TTN: variants seen among roughly 807,000 people sequenced by gnomAD.
TTN encodes titin, also known as connectin.
A neutral mutation model predicts 3,223.0 loss-of-function variants in TTN; 1,525 were observed. The observed-to-expected ratio is 0.47, with a 90% CI of 0.45 to 0.49. TTN has a LOEUF of 0.49. TTN is among the 20% of genes least tolerant of loss of function. The pLI is 0.00. For missense variants in TTN, 40,786 were observed against 43,424.0 expected, an observed-to-expected ratio of 0.94 and a Z score of 5.40; for synonymous variants, 14,094 against 15,161.0, an observed-to-expected ratio of 0.93 and a Z score of 5.17.
At chr2:178,770,036 TG>T (rs1387679781) in intron 36 of TTN, 23 bp downstream of exon 36, 1 of 1,613,998 alleles carries the variant, frequency 6.2e-7, no homozygotes, top group Non-Finnish European at 8.5e-7. Context: ...AGGAAAGGGC[TG>T]TAGGGGGCTG....
Position 178,789,490 on chromosome 2 carries a change from T to G in TTN, c.1946A>C (p.Lys649Thr). ...QVQITQEKMR[K>T]EAEKTALSTI... Reference sequence around the variant, plus strand: ...AGACAAGGCAGTTTTCTCGGCTTCCTTTCTCATCTGATTATTACAGTAAAA... The same window carrying G: ...AGACAAGGCAGTTTTCTCGGCTTCCGTTCTCATCTGATTATTACAGTAAAA... Residue 649 changes from lysine (K) to threonine (T), a missense_variant, in exon 13 of 363, where the codon AAG (lysine) becomes ACG (threonine). Coordinates refer to ENST00000589042, the MANE Select transcript of TTN (RefSeq NM_001267550.2). 2 of 1,613,304 alleles carry G rather than the reference T, an allele frequency of 1.2e-6. No homozygotes were observed. Among genetic ancestry groups the G allele is most frequent in the Non-Finnish European group, 1.7e-6 (2 of 1,179,462 alleles).
rs1033449906 is a variant in TTN at position 178,741,981 on chromosome 2, A to G, written c.11312-60T>C. On this transcript the variant is annotated intron_variant, in intron 47 of 362. Coordinates refer to ENST00000589042, the MANE Select transcript of TTN (RefSeq NM_001267550.2). ...AAATTTTATTTAATATAAAAATAGAAATCAAAGAATTAGACACCAGTTGAT... is the reference window on the plus strand; with the variant it reads ...AAATTTTATTTAATATAAAAATAGAGATCAAAGAATTAGACACCAGTTGAT... 20 of 1,232,420 alleles carry G rather than the reference A, an allele frequency of 1.6e-5. No individual in the cohort carries two copies. In the South Asian group the frequency reaches 5.4e-4, roughly 33 times the overall value. 76.3% of individuals were successfully genotyped at this position (1,232,420 alleles called of 1,614,324 possible).
Position 178,553,755 on chromosome 2 carries a change from G to A in TTN, c.89250C>T (p.Ser29750=), listed in dbSNP as rs1559221602. The A allele has an allele frequency of 1.2e-6, 2 of 1,610,234 alleles. No individual in the cohort carries two copies. Among genetic ancestry groups the A allele is most frequent in the South Asian group, 2.2e-5 (2 of 90,574 alleles). ...KIRIADSTKS[S]ITLGWSKPVY... Reference sequence around the variant, plus strand: ...CAGGCTTACTCCAGCCAAGGGTGATGGATGACTTGGTTGAATCTGCGATTC... The same window carrying A: ...CAGGCTTACTCCAGCCAAGGGTGATAGATGACTTGGTTGAATCTGCGATTC... The change falls in exon 334 of 363, where the codon TCC becomes TCT. Residue 29750 remains serine, a synonymous_variant. Coordinates refer to ENST00000589042, the MANE Select transcript of TTN (RefSeq NM_001267550.2).
chr2:178,577,741 A>G lies in TTN; in HGVS notation c.68685T>C (p.Asn22895=). ...TTACAGTAAAGGCACATTCTGGGAC[A>G]TTAACATGGTTGGCTTTCATCCAAG... ...SKSWMKANHV[N]VPECAFTVTD... The change falls in exon 323 of 363, where the codon AAT becomes AAC. Residue 22895 remains asparagine, a synonymous_variant. Coordinates refer to ENST00000589042, the MANE Select transcript of TTN (RefSeq NM_001267550.2). 6.2e-7 allele frequency: 1 copy of G among 1,613,444 alleles called. No homozygotes were observed. Among genetic ancestry groups the G allele is most frequent in the Non-Finnish European group, 8.5e-7 (1 of 1,179,584 alleles).
intron 49 of TTN, 151 bp downstream of exon 49, chr2:178,737,931 T>C: frequency 1.2e-6 from 1 of 834,702 alleles, no homozygotes; most frequent in South Asian, 2.1e-5. Context: ...TTATCCCATA[T>C]AGGCTCTGCA....
At chr2:178,697,191 A>C (rs1248324312) in intron 112 of TTN, 23 bp from the exon 113 acceptor site, 2 of 1,498,118 alleles carry the variant, frequency 1.3e-6, no homozygotes, top group Non-Finnish European at 8.9e-7. Flanking sequence ...AAACATAAAA[A>C]TGTGTGTTTA....
At chr2:178,677,342 A>ATC in intron 146 of TTN, 55 bp from the exon 147 acceptor site, 1 of 453,506 alleles carries the variant, frequency 2.2e-6, no homozygotes, top group Non-Finnish European at 3.0e-6. Context: ...GGTCATATAT[A>ATC]TATATATATA....
Position 178,551,171 on chromosome 2 carries a change from T to G in TTN, c.91360A>C (p.Ile30454Leu). The G allele has an allele frequency of 6.2e-7, 1 of 1,613,554 alleles. No homozygotes were observed. Among genetic ancestry groups the G allele is most frequent in the Non-Finnish European group, 8.5e-7 (1 of 1,179,668 alleles). ...NPPLRDGGSK[I>L]VGYSIEKRQG... ...CGTTTCTCAATGCTATAGCCCACAA[T>G]CTTACTGCCTCCATCACGCAATGGT... The change falls in exon 336 of 363, where the codon ATT becomes CTT. Residue 30454 changes from isoleucine (I) to leucine (L), a missense_variant. Physicochemically the swap from Ile to Leu is conservative, Grantham distance 5. Transcript: ENST00000589042.
intron 294 of TTN, 66 bp downstream of exon 294, chr2:178,597,472 A>T (rs1267331966): frequency 6.6e-7 from 1 of 1,507,054 alleles, no homozygotes; most frequent in Non-Finnish European, 9.0e-7. Flanking sequence ...CATACAGCAT[A>T]GCTTTGTGTA....
In TTN at chr2:178,537,444, C is replaced by T. The variant is rs1692136701; in HGVS notation, c.99763G>A (p.Val33255Ile). ...GTCTTACGTTGGACATTCTTCATGA[C>T]AAGATGAGTATAGTGCTCAGTGTTT... ...IENTEHYTHLVMKNVQRKTHA... is the reference protein window; with the variant it reads ...IENTEHYTHLIMKNVQRKTHA... Residue 33255 changes from valine (V) to isoleucine (I), a missense_variant, in exon 355 of 363, where the codon GTC becomes ATC. By Grantham distance (29) the Val-to-Ile change is conservative (BLOSUM62 3). Transcript: ENST00000589042. 3.1e-6 allele frequency: 5 copies of T among 1,613,046 alleles called. No individual in the cohort carries two copies. The highest frequency in any genetic ancestry group is 2.2e-5 in the East Asian group (1 of 44,808).
chr2:178,592,778 G>T lies in TTN; in HGVS notation c.59341C>A (p.Leu19781Ile). 6.2e-7 allele frequency: 1 copy of T among 1,613,332 alleles called. No homozygotes were observed. The highest frequency in any genetic ancestry group is 8.5e-7 in the Non-Finnish European group (1 of 1,179,570). ...CAAGTGAGAGCATTTTACTCACCAA[G>T]CCTGTCTTTTACTAGGACTGGCTCC... ...VPEPVLVKDR[L>I]EPPELILDAN... The change falls in exon 300 of 363, where the codon CTT becomes ATT. Residue 19781 changes from leucine (L) to isoleucine (I), a missense_variant. Coordinates refer to ENST00000589042, the MANE Select transcript of TTN (RefSeq NM_001267550.2).
chr2:178,634,360 G>A lies in TTN; in HGVS notation c.42415+6C>T, dbSNP rs775354753. ...GGGATGTCACAGATCTCATTAGCTCGCTTACCTGTGACAAACAACCGAGCT... is the reference window on the plus strand; with the variant it reads ...GGGATGTCACAGATCTCATTAGCTCACTTACCTGTGACAAACAACCGAGCT... On this transcript the variant is annotated splice_donor_region_variant and intron_variant, in intron 230 of 362. Coordinates refer to ENST00000589042, the MANE Select transcript of TTN (RefSeq NM_001267550.2). The surrounding 1 kb of genome is among the most constrained non-coding windows in gnomAD (Gnocchi z 4.6). 41 of 1,600,248 alleles carry A rather than the reference G, an allele frequency of 2.6e-5. No individual in the cohort carries two copies. The highest frequency in any genetic ancestry group is 4.1e-5 in the African/African-American group (3 of 73,646).
intron 168 of TTN, 63 bp from the exon 169 acceptor site, chr2:178,664,161 C>G: frequency 1.4e-6 from 2 of 1,475,690 alleles, no homozygotes; most frequent in Non-Finnish European, 1.8e-6. Flanking sequence ...GATACAAAGA[C>G]ATTTTCAAGA....
chr2:178,584,008 G>A (rs989463923), intron 311 of TTN, 102 bp from the exon 312 acceptor site: 12 of 1,276,766 alleles, frequency 9.4e-6, no homozygotes, highest in Admixed American at 3.0e-5. Context: ...AAGCTCAACA[G>A]GAAGACAATT....
rs749980197 is a variant in TTN, at chr2:178,531,142, G to T, written c.105473C>A (p.Pro35158Gln). 6.2e-7 allele frequency: 1 copy of T among 1,613,978 alleles called. No individual in the cohort carries two copies. Among genetic ancestry groups the T allele is most frequent in the Non-Finnish European group, 8.5e-7 (1 of 1,179,878 alleles). The change falls in exon 358 of 363, where the codon CCA becomes CAA. Residue 35158 changes from proline to glutamine, a missense_variant. Transcript: ENST00000589042. ...TCCTTTACGCAGCCAGGTCACAGTTGGTACCGGCTCACCATCGGTGTCACA... is the reference window on the plus strand; with the variant it reads ...TCCTTTACGCAGCCAGGTCACAGTTTGTACCGGCTCACCATCGGTGTCACA... ...FSCDTDGEPV[P>Q]TVTWLRKGQV...
Position 178,571,557 on chromosome 2 carries a change from C to G in TTN, c.74575G>C (p.Val24859Leu), listed in dbSNP as rs773227508. Reference protein sequence around the residue: ...RDTSTTTWQIVSATVARTTIK... With the variant: ...RDTSTTTWQILSATVARTTIK... ...GTTGTCCTTGCAACTGTAGCTGATACAATTTGCCAGGTGGTTGTGGAAGTG... is the reference window on the plus strand; with the variant it reads ...GTTGTCCTTGCAACTGTAGCTGATAGAATTTGCCAGGTGGTTGTGGAAGTG... The change falls in exon 326 of 363, where the codon GTA (valine) becomes CTA (leucine). Residue 24859 changes from valine (V) to leucine (L), a missense_variant. By Grantham distance (32) the Val-to-Leu change is conservative (BLOSUM62 1). Transcript: ENST00000589042. 2.5e-6 allele frequency: 4 copies of G among 1,613,246 alleles called. No homozygotes were observed. The highest frequency in any genetic ancestry group is 3.4e-6 in the Non-Finnish European group (4 of 1,179,584).
chr2:178,568,482 CGA>C lies in TTN; in HGVS notation c.77648_77649del (p.Ile25883ArgfsTer7). 1.2e-6 allele frequency: 2 copies of C among 1,613,354 alleles called. No individual in the cohort carries two copies. Among genetic ancestry groups the C allele is most frequent in the Non-Finnish European group, 1.7e-6 (2 of 1,179,568 alleles). The part of the protein sequence containing the change: ...ANVVGQKTAS[I>X]EIVTLDKPDP... ...TCAGGTTTATCTAGAGTTACAATTT[CGA>C]TGGATGCTGTCTTCTGACCAACAAC... is the stretch of plus-strand genomic sequence containing the variant. On this transcript the variant is annotated frameshift_variant, in exon 326 of 363. Transcript: ENST00000589042. LOFTEE classifies it high-confidence loss of function.
At position 178,773,447 on chromosome 2, in the gene TTN, T is replaced by C. The variant is rs541381665; in HGVS notation, c.7594+15A>G. 6.2e-7 allele frequency: 1 copy of C among 1,613,970 alleles called. No homozygotes were observed. The highest frequency in any genetic ancestry group is 1.7e-5 in the Admixed American group (1 of 59,998). On this transcript the variant is annotated intron_variant, in intron 32 of 362. Transcript: ENST00000589042. ...ATGCTTAAAGTAATTATTAGATAGG[T>C]AGAATAATCCTTACTTTCTACAGAG...
In TTN at chr2:178,575,841, T is replaced by TG; in HGVS notation, c.70290dup (p.Arg23431GlnfsTer46). The stretch of plus-strand genomic sequence containing the variant: ...ACTGGGCCTGGCGTGTCCAAGACTC[T>TG]GACGTTCACAAAGCCACTTTTCTTC... On this transcript the variant is annotated frameshift_variant, in exon 326 of 363. Coordinates refer to ENST00000589042, the MANE Select transcript of TTN (RefSeq NM_001267550.2). LOFTEE classifies it high-confidence loss of function. The surrounding 1 kb of genome is among the most constrained non-coding windows in gnomAD (Gnocchi z 4.0). 6.2e-7 allele frequency: 1 copy of TG among 1,613,582 alleles called. No individual in the cohort carries two copies. The highest frequency in any genetic ancestry group is 8.5e-7 in the Non-Finnish European group (1 of 1,179,620).
Sources: allele counts gnomAD v4.1 joint callset, GRCh38; gene constraint gnomAD v4.1.1; non-coding constraint Gnocchi (gnomAD v3.1); transcripts MANE v1.5; gene names NCBI Gene and HGNC (gene_info 2026-07-23, HGNC 2026-07-21).